PRDM5: variants seen among roughly 807,000 people sequenced by gnomAD.
The protein encoded by PRDM5 is PR domain zinc finger protein 5.
PRDM5 carries 56 observed loss-of-function variants against 81.2 expected under a neutral mutation model. That is an observed-to-expected ratio of 0.69 (90% CI 0.56 to 0.86). The LOEUF (loss-of-function observed/expected upper bound fraction) is 0.86, where lower values mean the gene tolerates loss of function less well. Ranked by LOEUF, PRDM5 falls within the 40% of genes least tolerant of loss-of-function variation. PRDM5 has a pLI of 0.00. For missense variants in PRDM5, 697 were observed against 770.1 expected, an observed-to-expected ratio of 0.91 and a Z score of 1.12; for synonymous variants, 267 against 256.4, an observed-to-expected ratio of 1.04 and a Z score of -0.39.
chr4:120,762,260 G>A (rs999059884), intron 13 of PRDM5: 27 of 152,092 alleles, frequency 1.8e-4, no homozygotes, highest in African/African-American at 5.1e-4. Flanking sequence ...AATGTTTAAA[G>A]ATTTTGGAAG....
intron 10 of PRDM5, among the ~76,000 whole-genome samples, chr4:120,790,696 C>A (rs2149263048): frequency 6.6e-6 from 1 of 152,222 alleles, no homozygotes; most frequent in Middle Eastern, 3.4e-3. Context: ...TTCTACATAA[C>A]ATAAATCTGT....
In PRDM5 at chr4:120,745,369, C is replaced by A. The variant is rs1250480341; in HGVS notation, c.1623+9184G>T. Among the ~76,000 whole-genome samples, 224 of 124,850 alleles carry A rather than the reference C, an allele frequency of 1.8e-3. 1 individual carries two copies. The highest frequency in any genetic ancestry group is 6.9e-3 in the African/African-American group (212 of 30,852). 81.9% of individuals were successfully genotyped at this position (124,850 alleles called of 152,430 possible). On this transcript the variant is annotated intron_variant, in intron 14 of 15. Coordinates refer to ENST00000264808, the MANE Select transcript of PRDM5 (RefSeq NM_018699.4). Reference sequence around the variant, plus strand: ...TGGAAGCATTCCCTTTGAAAACTGGCACAAGACAGGGATGCCCTCTCTCAC... The same window carrying A: ...TGGAAGCATTCCCTTTGAAAACTGGAACAAGACAGGGATGCCCTCTCTCAC...
Position 120,922,709 on chromosome 4 carries a change from G to A in PRDM5, c.-101C>T. The A allele has an allele frequency of 6.9e-7, 1 of 1,454,436 alleles. No homozygotes were observed. Among genetic ancestry groups the A allele is most frequent in the Admixed American group, 2.0e-5 (1 of 49,944 alleles). 90.1% of individuals were successfully genotyped at this position (1,454,436 alleles called of 1,614,324 possible). On this transcript the variant is annotated 5_prime_UTR_variant, in exon 1 of 16. Coordinates refer to ENST00000264808, the MANE Select transcript of PRDM5 (RefSeq NM_018699.4). ...GGTGCCAGGGTAGAGGGGAGAAACC[G>A]GCAGGGAAGGAGGAAATGGAGTTTT...
At chr4:120,761,530 G>C (rs1381911651) in intron 13 of PRDM5, among the ~76,000 whole-genome samples, 1 of 152,080 alleles carries the variant, frequency 6.6e-6, no homozygotes, top group East Asian at 1.9e-4. Flanking sequence ...CCTCACCAAA[G>C]GATTAACATA....
chr4:120,838,409 C>T (rs1220022305), intron 3 of PRDM5: 1 of 152,200 alleles, frequency 6.6e-6, no homozygotes, highest in African/African-American at 2.4e-5. Flanking sequence ...TCATCTCAAA[C>T]ATGTATCATT....
At chr4:120,726,632 A>G (rs965886294) in intron 14 of PRDM5, among the ~76,000 whole-genome samples, 1 of 152,250 alleles carries the variant, frequency 6.6e-6, no homozygotes, top group Non-Finnish European at 1.5e-5. Context: ...CTTATTTTGT[A>G]CATAAAGAAA....
rs1249856112 is a variant in PRDM5, at chr4:120,798,401, T to C, written c.1054A>G (p.Ile352Val). The C allele has an allele frequency of 1.2e-6, 2 of 1,611,044 alleles. No individual in the cohort carries two copies. The highest frequency in any genetic ancestry group is 3.3e-5 in the Admixed American group (2 of 59,770). The stretch of plus-strand genomic sequence containing the variant: ...AGCCTCTTGAAAGACTTATTACAAA[T>C]CTCGCAATTATAGGGTCGTTTTTCT... ...HSEKRPYNCE[I>V]CNKSFKRLDQ... The change falls in exon 10 of 16, where the codon ATT becomes GTT. Residue 352 changes from isoleucine (I) to valine (V), a missense_variant. Coordinates refer to ENST00000264808, the MANE Select transcript of PRDM5 (RefSeq NM_018699.4).
chr4:120,693,185 G>C lies in PRDM5; in HGVS notation c.*1926C>G, dbSNP rs1446343042. The C allele has an allele frequency of 6.6e-6, 1 of 152,062 alleles. No individual in the cohort carries two copies. The highest frequency in any genetic ancestry group is 1.5e-5 in the Non-Finnish European group (1 of 68,008). 9.4% of individuals were successfully genotyped at this position (152,062 alleles called of 1,614,324 possible). ...AATTTCCCCAGCAGCCATGTGAACTGTGACTCACTGAGATTACACAAAATT... is the reference window on the plus strand; with the variant it reads ...AATTTCCCCAGCAGCCATGTGAACTCTGACTCACTGAGATTACACAAAATT... On this transcript the variant is annotated 3_prime_UTR_variant, in exon 16 of 16. Coordinates refer to ENST00000264808, the MANE Select transcript of PRDM5 (RefSeq NM_018699.4).
At chr4:120,724,130 G>A (rs1361833816) in intron 14 of PRDM5, among the ~76,000 whole-genome samples, 2 of 151,936 alleles carry the variant, frequency 1.3e-5, no homozygotes, top group East Asian at 1.9e-4. Flanking sequence ...TAATTTAAGT[G>A]TTCCAAGCTC....
chr4:120,704,525 A>G (rs1189486277), intron 15 of PRDM5, among the ~76,000 whole-genome samples: 1 of 152,222 alleles, frequency 6.6e-6, no homozygotes, highest in East Asian at 1.9e-4. Flanking sequence ...GTGAAATAAG[A>G]TATTTAACAG....
chr4:120,874,642 T>G (rs1032157060), intron 2 of PRDM5, among the ~76,000 whole-genome samples: 6 of 152,178 alleles, frequency 3.9e-5, no homozygotes, highest in Non-Finnish European at 8.8e-5. Context: ...CACATAAACA[T>G]GACATTGAAA....
intron 3 of PRDM5, among the ~76,000 whole-genome samples, chr4:120,836,453 T>C (rs1757363113): frequency 6.6e-6 from 1 of 152,220 alleles, no homozygotes; most frequent in Non-Finnish European, 1.5e-5. Flanking sequence ...ACTTGTATTC[T>C]TCTATAGAAA....
intron 1 of PRDM5, among the ~76,000 whole-genome samples, chr4:120,686,627 A>G (rs1161827861): frequency 6.6e-6 from 1 of 152,054 alleles, no homozygotes; most frequent in Non-Finnish European, 1.5e-5. Context: ...AGAAATGTGA[A>G]AATGTCATTA....
chr4:120,775,243 T>C (rs986508204), intron 13 of PRDM5, among the ~76,000 whole-genome samples: 1 of 151,896 alleles, frequency 6.6e-6, no homozygotes, highest in Non-Finnish European at 1.5e-5. Context: ...ATATAGAACA[T>C]AAGACAACAA....
At chr4:120,858,979 T>C (rs1760238521) in intron 2 of PRDM5, among the ~76,000 whole-genome samples, 1 of 152,182 alleles carries the variant, frequency 6.6e-6, no homozygotes. Context: ...AACTAAGCCG[T>C]GATCACTTGA....
rs2148690565 is a variant in PRDM5 at position 120,910,313 on chromosome 4, T to C, written c.94-2756A>G. 1.3e-5 allele frequency among the ~76,000 whole-genome samples: 2 copies of C among 152,336 alleles called. 1 individual carries two copies. The highest frequency in any genetic ancestry group is 6.8e-3 in the Middle Eastern group (2 of 294). On this transcript the variant is annotated intron_variant, in intron 1 of 15. Coordinates refer to ENST00000264808, the MANE Select transcript of PRDM5 (RefSeq NM_018699.4). ...TAAATAGCCAACTCTCAATTATCCA[T>C]ACTACTGTGGTGAGAAACAATGCAG...
At chr4:120,781,439 A>G (rs976519293) in intron 11 of PRDM5, 136 bp from the exon 12 acceptor site, 1 of 791,766 alleles carries the variant, frequency 1.3e-6, no homozygotes, top group Admixed American at 2.2e-5. Flanking sequence ...ATTTTTTACA[A>G]CAAATTCCAG....
chr4:120,796,573 T>C (rs1282917118), intron 10 of PRDM5, among the ~76,000 whole-genome samples: 3 of 152,164 alleles, frequency 2.0e-5, no homozygotes, highest in African/African-American at 7.2e-5. Context: ...AGCCAGATAA[T>C]TTTTTACAGT....
intron 7 of PRDM5, among the ~76,000 whole-genome samples, chr4:120,813,982 C>T (rs574859231): frequency 1.3e-5 from 2 of 152,184 alleles, no homozygotes; most frequent in South Asian, 2.1e-4. Context: ...TACATCAAAC[C>T]CTCATCCCCA....
Sources: allele counts gnomAD v4.1 joint callset (sites outside exome capture counted in the v4.1 genomes callset), GRCh38; gene constraint gnomAD v4.1.1; transcripts MANE v1.5; gene names NCBI Gene and HGNC (gene_info 2026-07-23, HGNC 2026-07-21).